Variants in ELMO1 observed in about 807,000 individuals in gnomAD.
ELMO1 encodes the protein engulfment and cell motility 1.
Under a neutral mutation model 98.9 loss-of-function variants are expected in ELMO1, and 26 were observed. The observed-to-expected ratio is 0.26, with a 90% CI of 0.19 to 0.36. The LOEUF (loss-of-function observed/expected upper bound fraction) is 0.36, where lower values mean the gene tolerates loss of function less well. Ranked by LOEUF, ELMO1 falls within the 10% of genes least tolerant of loss-of-function variation. ELMO1 has a pLI of 1.00. For synonymous variants in ELMO1, 346 were observed against 346.0 expected, an observed-to-expected ratio of 1.00 and a Z score of 0.00; for missense variants, 627 against 935.2, an observed-to-expected ratio of 0.67 and a Z score of 4.30.
intron 4 of ELMO1, among the ~76,000 whole-genome samples, chr7:37,278,969 A>G (rs887065937): frequency 6.6e-6 from 1 of 152,186 alleles, no homozygotes; most frequent in Non-Finnish European, 1.5e-5. Flanking sequence ...TGGGAGGCCC[A>G]GGCCGGTGGG....
chr7:37,249,830 G>A (rs1018570447), intron 6 of ELMO1, among the ~76,000 whole-genome samples: 4 of 152,152 alleles, frequency 2.6e-5, no homozygotes, highest in African/African-American at 9.7e-5. Flanking sequence ...TATAATCCCA[G>A]CACTTTGGGA....
chr7:37,216,795 A>G (rs370919487), intron 10 of ELMO1, 100 bp from the exon 11 acceptor site: 7 of 1,141,142 alleles, frequency 6.1e-6, no homozygotes, highest in African/African-American at 3.1e-5. Context: ...TCGTAACTGT[A>G]TATCAGCAGT....
intron 16 of ELMO1, among the ~76,000 whole-genome samples, chr7:36,955,282 AC>A (rs1788350763): frequency 6.6e-6 from 1 of 152,126 alleles, no homozygotes; most frequent in African/African-American, 2.4e-5. Context: ...CATTTTCTCT[AC>A]AGCTGCTTCT....
At chr7:36,991,079 G>A (rs1052685394) in intron 16 of ELMO1, among the ~76,000 whole-genome samples, 7 of 152,142 alleles carry the variant, frequency 4.6e-5, no homozygotes, top group Non-Finnish European at 7.4e-5. Context: ...TGATGGTAAT[G>A]GTCTCTACAG....
chr7:37,070,430 A>G (rs1201022971), intron 15 of ELMO1, among the ~76,000 whole-genome samples: 1 of 152,210 alleles, frequency 6.6e-6, no homozygotes, highest in Non-Finnish European at 1.5e-5. Flanking sequence ...TAAGACCATA[A>G]AAATTTATCA....
At chr7:37,431,221 T>C (rs1804919105) in intron 1 of ELMO1, among the ~76,000 whole-genome samples, 1 of 152,124 alleles carries the variant, frequency 6.6e-6, no homozygotes, top group Non-Finnish European at 1.5e-5. Context: ...TCTATAGTCC[T>C]AGTTACTTAG....
chr7:37,375,572 G>A, intron 1 of ELMO1: 1 of 1,103,742 alleles, frequency 9.1e-7, no homozygotes, highest in Non-Finnish European at 1.4e-6. Context: ...TCCTTTTTAA[G>A]GAGGGAGTCA....
At chr7:36,866,265 A>G (rs540491507) in intron 20 of ELMO1, among the ~76,000 whole-genome samples, 39 of 152,330 alleles carry the variant, frequency 2.6e-4, no homozygotes, top group Middle Eastern at 3.4e-3. Flanking sequence ...CTGAATTTCC[A>G]TCTACTCATG....
At chr7:37,302,022 G>T (rs1017731091) in intron 4 of ELMO1, among the ~76,000 whole-genome samples, 1 of 152,188 alleles carries the variant, frequency 6.6e-6, no homozygotes, top group African/African-American at 2.4e-5. Context: ...CTGGAAAATA[G>T]TATACCTATC....
chr7:36,868,387 T>G (rs145842759), intron 20 of ELMO1, among the ~76,000 whole-genome samples: 3 of 150,702 alleles, frequency 2.0e-5, no homozygotes, highest in African/African-American at 7.3e-5. Flanking sequence ...CTCTTGTTGC[T>G]CAGGCTGGAG....
chr7:36,894,730 G>T, intron 17 of ELMO1, 124 bp downstream of exon 17: 2 of 1,208,222 alleles, frequency 1.7e-6, no homozygotes, highest in Non-Finnish European at 2.4e-6. Context: ...GAGATACTTG[G>T]AATGTCTTCT....
chr7:37,165,967 T>C (rs1030595010), intron 13 of ELMO1, among the ~76,000 whole-genome samples: 1 of 152,206 alleles, frequency 6.6e-6, no homozygotes, highest in African/African-American at 2.4e-5. Context: ...CATCTGGTCC[T>C]GGACTCTTTT....
chr7:37,354,802 G>A (rs1801429759), intron 1 of ELMO1, among the ~76,000 whole-genome samples: 1 of 152,156 alleles, frequency 6.6e-6, no homozygotes, highest in African/African-American at 2.4e-5. Context: ...AGGAAGTGCT[G>A]GAGCATTTCC....
At chr7:37,005,518 C>G (rs1204505254) in intron 16 of ELMO1, among the ~76,000 whole-genome samples, 1 of 151,796 alleles carries the variant, frequency 6.6e-6, no homozygotes, top group Non-Finnish European at 1.5e-5. Context: ...ATGGTGAAAC[C>G]CCATCTGTAC....
rs530495301 is a variant in ELMO1, at chr7:37,208,871, A to T, written c.1086+2515T>A. 2.2e-4 allele frequency among the ~76,000 whole-genome samples: 34 copies of T among 152,236 alleles called. 1 individual carries two copies. Among genetic ancestry groups the T allele is most frequent in the Admixed American group, 5.9e-4 (9 of 15,284 alleles). ...GGAATAACTAAAATCAAAAACTAAA[A>T]AAGAACCATGGAAAAATAAAGAAAA... On this transcript the variant is annotated intron_variant, in intron 13 of 21. Coordinates refer to ENST00000310758, the MANE Select transcript of ELMO1 (RefSeq NM_014800.11).
chr7:37,321,716 C>CAAAAAAAAAAAAAAAAA (rs565421716), intron 2 of ELMO1, among the ~76,000 whole-genome samples: 52 of 66,066 alleles, frequency 7.9e-4, no homozygotes, highest in African/African-American at 2.2e-3. Flanking sequence ...GACTCCGTCT[C>CAAAAAAAAAAAAAAAAA]AAAAAAAAAA....
intron 17 of ELMO1, among the ~76,000 whole-genome samples, chr7:36,889,231 G>T (rs1805332829): frequency 1.3e-5 from 2 of 152,188 alleles, no homozygotes; most frequent in African/African-American, 4.8e-5. Flanking sequence ...CATCTATAAA[G>T]CATAATATGG....
intron 15 of ELMO1, among the ~76,000 whole-genome samples, chr7:37,052,923 T>C (rs1485898495): frequency 6.6e-6 from 1 of 152,118 alleles, no homozygotes; most frequent in Non-Finnish European, 1.5e-5. Flanking sequence ...ATCTGTCTCT[T>C]CCATAAAGAA....
chr7:36,854,373 AT>A lies in ELMO1; in HGVS notation c.*1177del, dbSNP rs1236460528. Reference sequence around the variant, plus strand: ...CCAGCTCCCCAAATCATCACAATCCATTTTATTCCACAGCATGTTTAAGGGA... The same window carrying A: ...CCAGCTCCCCAAATCATCACAATCCATTTATTCCACAGCATGTTTAAGGGA... On this transcript the variant is annotated 3_prime_UTR_variant, in exon 22 of 22. Transcript: ENST00000310758. 6.6e-6 allele frequency: 1 copy of A among 152,492 alleles called. No homozygotes were observed. The highest frequency in any genetic ancestry group is 1.5e-5 in the Non-Finnish European group (1 of 68,018). 9.4% of individuals were successfully genotyped at this position (152,492 alleles called of 1,614,324 possible).
Sources: gnomAD v4.1 joint callset for allele counts (sites outside exome capture counted in the v4.1 genomes callset) on GRCh38, gnomAD v4.1.1 for gene constraint, MANE v1.5 for transcripts, NCBI Gene and HGNC (gene_info 2026-07-23, HGNC 2026-07-21) for gene names.